The following EXT1 variants were observed in gnomAD, a reference collection of about 807,000 sequenced individuals.
The protein encoded by EXT1 is exostosin glycosyltransferase 1.
A neutral mutation model predicts 82.5 loss-of-function variants in EXT1; 20 were observed. That is an observed-to-expected ratio of 0.24 (90% confidence interval 0.17 to 0.35). The LOEUF (loss-of-function observed/expected upper bound fraction) is 0.35, where lower values mean the gene tolerates loss of function less well. Ranked by LOEUF, EXT1 falls within the 10% of genes least tolerant of loss-of-function variation. EXT1 has a pLI of 1.00. For synonymous variants in EXT1, 348 were observed against 350.8 expected (o/e 0.99, Z 0.09); for missense variants, 757 against 936.5 (o/e 0.81, Z 2.50).
Position 117,880,134 on chromosome 8 carries a change from G to A in EXT1, c.963-42933C>T, listed in dbSNP as rs115341595. Among the ~76,000 whole-genome samples the A allele has an allele frequency of 6.5e-3, 997 of 152,242 alleles. 11 individuals carry two copies. The highest frequency in any genetic ancestry group is 0.023 in the African/African-American group (950 of 41,528). Reference sequence around the variant, plus strand: ...ACAATAAATACCATTCTACAAGCAAGTTTGGTCCCAGGCATGTATTCGGCC... The same window carrying A: ...ACAATAAATACCATTCTACAAGCAAATTTGGTCCCAGGCATGTATTCGGCC... On this transcript the variant is annotated intron_variant, in intron 1 of 10. Coordinates refer to ENST00000378204, the MANE Select transcript of EXT1 (RefSeq NM_000127.3).
chr8:117,940,712 G>C (rs1047429986), intron 1 of EXT1, among the ~76,000 whole-genome samples: 1 of 152,202 alleles, frequency 6.6e-6, no homozygotes, highest in South Asian at 2.1e-4. Flanking sequence ...TTCAGAATGA[G>C]AATTTCTGGT....
chr8:118,111,014 G>C lies in EXT1; in HGVS notation c.33C>G (p.Leu11=). 3.1e-6 allele frequency: 5 copies of C among 1,602,900 alleles called. No homozygotes were observed. Among genetic ancestry groups the C allele is most frequent in the East Asian group, 2.2e-5 (1 of 44,850 alleles). ...AAAGGGCGAGACAAGAGCCAGCTGAGAGCAGGATGAAATAGCGTTTTTTGG... is the reference window on the plus strand; with the variant it reads ...AAAGGGCGAGACAAGAGCCAGCTGACAGCAGGATGAAATAGCGTTTTTTGG... The part of the protein sequence containing the change: MQAKKRYFIL[L]SAGSCLALLF... The change falls in exon 1 of 11, where the codon CTC becomes CTG. Residue 11 remains leucine, a synonymous_variant. Transcript: ENST00000378204.
intron 1 of EXT1, among the ~76,000 whole-genome samples, chr8:118,027,289 TTC>T (rs1264592244): frequency 8.6e-5 from 13 of 151,232 alleles, no homozygotes; most frequent in African/African-American, 2.9e-4. Flanking sequence ...TAGAGGGGTT[TTC>T]GAGTTTCCAA....
chr8:118,059,547 G>T (rs1443915452), intron 1 of EXT1, among the ~76,000 whole-genome samples: 1 of 152,190 alleles, frequency 6.6e-6, no homozygotes, highest in African/African-American at 2.4e-5. Flanking sequence ...CCAGACACAT[G>T]GCTGCAGACC....
intron 1 of EXT1, among the ~76,000 whole-genome samples, chr8:117,845,862 T>C (rs1368248778): frequency 6.6e-6 from 1 of 152,154 alleles, no homozygotes; most frequent in Non-Finnish European, 1.5e-5. Context: ...TTTACCACCA[T>C]CATGGAGAAT....
At chr8:118,025,907 A>C (rs527536801) in intron 1 of EXT1, among the ~76,000 whole-genome samples, 87 of 152,312 alleles carry the variant, frequency 5.7e-4, no homozygotes, top group African/African-American at 2.0e-3. Flanking sequence ...AGTTTCTGAC[A>C]ATCACTGCCA....
chr8:117,968,498 T>C (rs1014426158), intron 1 of EXT1, among the ~76,000 whole-genome samples: 8 of 151,832 alleles, frequency 5.3e-5, no homozygotes, highest in African/African-American at 1.7e-4. Context: ...ACAAAGTCTG[T>C]GCTCTAATTA....
At chr8:118,102,135 T>C (rs1484589265) in intron 1 of EXT1, among the ~76,000 whole-genome samples, 1 of 151,778 alleles carries the variant, frequency 6.6e-6, no homozygotes, top group Non-Finnish European at 1.5e-5. Flanking sequence ...GGTGTGGTGG[T>C]GGGTGCCTGT....
chr8:118,045,216 G>T (rs1464827813), intron 1 of EXT1, among the ~76,000 whole-genome samples: 3 of 152,102 alleles, frequency 2.0e-5, no homozygotes, highest in Non-Finnish European at 4.4e-5. Flanking sequence ...CTCCCACTTA[G>T]AAATAAATAT....
At chr8:117,858,865 G>GA (rs1446853629) in intron 1 of EXT1, among the ~76,000 whole-genome samples, 3 of 64,706 alleles carry the variant, frequency 4.6e-5, no homozygotes, top group Non-Finnish European at 1.1e-4. Flanking sequence ...AAGAAAGAAA[G>GA]AAAGAAAGAA....
At chr8:117,953,103 G>A (rs1162611026) in intron 1 of EXT1, among the ~76,000 whole-genome samples, 2 of 151,890 alleles carry the variant, frequency 1.3e-5, no homozygotes, top group Admixed American at 1.3e-4. Flanking sequence ...CTCTTTTGTT[G>A]CTCCAGTCTT....
At chr8:117,910,251 A>G (rs1813620483) in intron 1 of EXT1, among the ~76,000 whole-genome samples, 2 of 152,302 alleles carry the variant, frequency 1.3e-5, no homozygotes, top group South Asian at 4.1e-4. Context: ...AGGGCATAGG[A>G]GGTCAAAGGG....
rs772534308 is a variant in EXT1 at position 117,814,019 on chromosome 8, G to GAGA, written c.1633-1061_1633-1059dup. Among the ~76,000 whole-genome samples the GAGA allele has an allele frequency of 8.6e-4, 129 of 149,404 alleles. 2 individuals are homozygous for GAGA. The East Asian group carries it at 0.018, about 20-fold the overall frequency. On this transcript the variant is annotated intron_variant, in intron 7 of 10. Coordinates refer to ENST00000378204, the MANE Select transcript of EXT1 (RefSeq NM_000127.3). Reference sequence around the variant, plus strand: ...AGACTCTGTCTCAAAAACAAAAAAAGAGAAGAAGAAGAAGAAGAAAGAAGA... The same window carrying GAGA: ...AGACTCTGTCTCAAAAACAAAAAAAGAGAAGAAGAAGAAGAAGAAGAAAGAAGA...
At chr8:117,865,610 C>T (rs769996087) in intron 1 of EXT1, among the ~76,000 whole-genome samples, 4 of 152,210 alleles carry the variant, frequency 2.6e-5, no homozygotes, top group Non-Finnish European at 4.4e-5. Flanking sequence ...CTTCCTCATT[C>T]TACAGACAAA....
intron 1 of EXT1, among the ~76,000 whole-genome samples, chr8:117,939,959 A>C (rs1814241619): frequency 6.6e-6 from 1 of 152,242 alleles, no homozygotes; most frequent in Non-Finnish European, 1.5e-5. Context: ...TGTGACTGTA[A>C]CTTGCAGAAT....
At chr8:117,863,934 G>A (rs1439987101) in intron 1 of EXT1, among the ~76,000 whole-genome samples, 1 of 152,152 alleles carries the variant, frequency 6.6e-6, no homozygotes, top group Non-Finnish European at 1.5e-5. Context: ...TTTTCAAAAG[G>A]ATGAAGTTGT....
rs535717484 is a variant in EXT1 at position 117,798,692 on chromosome 8, T to A, written c.*1020A>T. On this transcript the variant is annotated 3_prime_UTR_variant, in exon 11 of 11. Coordinates refer to ENST00000378204, the MANE Select transcript of EXT1 (RefSeq NM_000127.3). ...TTGTTCATTGGTGTGAATTTCTACC[T>A]TATTACCCCTTTTTCTTTCTCAAAA... 2.0e-5 allele frequency: 3 copies of A among 152,338 alleles called. No homozygotes were observed. In the South Asian group the frequency reaches 6.2e-4, roughly 32 times the overall value. 9.4% of individuals were successfully genotyped at this position (152,338 alleles called of 1,614,324 possible). A position where few individuals can be genotyped will look rare whatever the true frequency, so the allele number is the denominator to read the frequency against.
At chr8:117,906,476 AATCT>A (rs1392531756) in intron 1 of EXT1, among the ~76,000 whole-genome samples, 1 of 152,208 alleles carries the variant, frequency 6.6e-6, no homozygotes, top group Admixed American at 6.5e-5. Context: ...ACTACCAATC[AATCT>A]AAGTTGCCAT....
intron 1 of EXT1, among the ~76,000 whole-genome samples, chr8:117,874,029 T>C (rs181835024): frequency 1.3e-5 from 2 of 152,312 alleles, no homozygotes; most frequent in African/African-American, 4.8e-5. Context: ...TTTAATCCTT[T>C]TCACTCTTGT....
Sources: gnomAD v4.1 joint callset for allele counts (sites outside exome capture counted in the v4.1 genomes callset) on GRCh38, gnomAD v4.1.1 for gene constraint, MANE v1.5 for transcripts, NCBI Gene and HGNC (gene_info 2026-07-23, HGNC 2026-07-21) for gene names.